The following MRPL53 variants were observed in gnomAD, a reference collection of about 807,000 sequenced individuals.
The protein encoded by MRPL53 is mitochondrial ribosomal protein L53.
Under a neutral mutation model 7.5 loss-of-function variants are expected in MRPL53, and 7 were observed. That is an observed-to-expected ratio of 0.93 (90% CI 0.53 to 1.75). The LOEUF is 1.75. MRPL53 is among the 40% of genes most tolerant of loss of function. The pLI, the probability that MRPL53 is intolerant of heterozygous loss-of-function variation, is 0.00. For missense variants in MRPL53, 185 were observed against 159.0 expected, an observed-to-expected ratio of 1.16 and a Z score of -0.88; for synonymous variants, 84 against 64.4, an observed-to-expected ratio of 1.30 and a Z score of -1.46.
At chr2:74,472,531 C>T in intron 1 of MRPL53, 38 bp downstream of exon 1, 2 of 1,613,174 alleles carry the variant, frequency 1.2e-6, no homozygotes, top group Admixed American at 1.7e-5. Flanking sequence ...TGAAGGAAGG[C>T]GCACCACTTC....
At chr2:74,472,276 G>C (rs1672194980) in intron 2 of MRPL53, 24 bp from the exon 3 acceptor site, 1 of 1,613,658 alleles carries the variant, frequency 6.2e-7, no homozygotes, top group South Asian at 1.1e-5. Context: ...AAACGAGTGA[G>C]ACAGGGAGGG....
In MRPL53 at chr2:74,472,206, C is replaced by T. The variant is rs779954207; in HGVS notation, c.252G>A (p.Leu84=). 1.9e-6 allele frequency: 3 copies of T among 1,614,186 alleles called. No individual in the cohort carries two copies. The Admixed American group carries it at 5.0e-5, about 27-fold the overall frequency. The change falls in exon 3 of 3, where the codon CTG becomes CTA. Residue 84 remains leucine (L), a synonymous_variant. Coordinates refer to ENST00000258105, the MANE Select transcript of MRPL53 (RefSeq NM_053050.5). ...LIMRGAHLTA[L]EMLTAFASHI... ...GGGAGGCGAAGGCGGTGAGCATTTCCAGAGCGGTGAGATGAGCGCCGCGCA... is the reference window on the plus strand; with the variant it reads ...GGGAGGCGAAGGCGGTGAGCATTTCTAGAGCGGTGAGATGAGCGCCGCGCA...
Position 74,472,643 on chromosome 2 carries a change from A to G in MRPL53, c.18T>C (p.Ala6=). The G allele has an allele frequency of 1.2e-6, 2 of 1,614,238 alleles. No individual in the cohort carries two copies. The highest frequency in any genetic ancestry group is 2.2e-5 in the South Asian group (2 of 91,092). Residue 6 remains alanine (A), a synonymous_variant, in exon 1 of 3, where the codon GCT becomes GCC. Transcript: ENST00000258105. MAAAL[A]RLGLRPVKQV... ...GTTTGACAGGCCGCAGACCAAGCCG[A>G]GCCAAGGCAGCTGCCATGGTGACCT...
At chr2:74,472,297 T>C (rs1672195476) in intron 2 of MRPL53, 45 bp from the exon 3 acceptor site, 1 of 1,612,992 alleles carries the variant, frequency 6.2e-7, no homozygotes, top group Non-Finnish European at 8.5e-7. Flanking sequence ...ACCGCAGTGC[T>C]GGGGCTTAGG....
chr2:74,472,521 T>C (rs755379043), intron 1 of MRPL53, 48 bp downstream of exon 1: 21 of 1,613,588 alleles, frequency 1.3e-5, no homozygotes, highest in Non-Finnish European at 1.8e-5. Context: ...AAGCCCCGGC[T>C]GAAGGAAGGC....
rs1672211896 is a variant in MRPL53 at position 74,472,671 on chromosome 2, G to A, written c.-11C>T. The stretch of plus-strand genomic sequence containing the variant: ...CAAGGCAGCTGCCATGGTGACCTCC[G>A]CCCCGGAAGAACTCGTGCAGGCGGA... On this transcript the variant is annotated 5_prime_UTR_variant, in exon 1 of 3. Coordinates refer to ENST00000258105, the MANE Select transcript of MRPL53 (RefSeq NM_053050.5). 1.2e-6 allele frequency: 2 copies of A among 1,614,034 alleles called. No individual in the cohort carries two copies. The highest frequency in any genetic ancestry group is 2.2e-5 in the South Asian group (2 of 91,088).
In MRPL53 at chr2:74,472,085, C is replaced by G; in HGVS notation, c.*34G>C. ...TTCTTAGGTTAAGTGTCCTAGTCCA[C>G]GCTAAAATCATCTTGTTGGTCTCTT... On this transcript the variant is annotated 3_prime_UTR_variant, in exon 3 of 3. Transcript: ENST00000258105. 1 of 1,611,732 alleles carries G rather than the reference C, an allele frequency of 6.2e-7. No homozygotes were observed. Among genetic ancestry groups the G allele is most frequent in the Non-Finnish European group, 8.5e-7 (1 of 1,178,942 alleles).
In MRPL53 at chr2:74,472,652, A is replaced by C. The variant is rs745946740; in HGVS notation, c.9T>G (p.Ala3=). MA[A]ALARLGLRPV... ...GCCGCAGACCAAGCCGAGCCAAGGC[A>C]GCTGCCATGGTGACCTCCGCCCCGG... The change falls in exon 1 of 3, where the codon GCT becomes GCG. Residue 3 remains alanine (A), a synonymous_variant. Coordinates refer to ENST00000258105, the MANE Select transcript of MRPL53 (RefSeq NM_053050.5). 1 of 1,614,236 alleles carries C rather than the reference A, an allele frequency of 6.2e-7. No individual in the cohort carries two copies. Among genetic ancestry groups the C allele is most frequent in the South Asian group, 1.1e-5 (1 of 91,086 alleles).
At chr2:74,472,294 T>C in intron 2 of MRPL53, 42 bp from the exon 3 acceptor site, 1 of 1,613,118 alleles carries the variant, frequency 6.2e-7, no homozygotes, top group Non-Finnish European at 8.5e-7. Context: ...GGGACCGCAG[T>C]GCTGGGGCTT....
chr2:74,472,315 G>A (rs1307544671), intron 2 of MRPL53, 43 bp downstream of exon 2: 4 of 1,611,498 alleles, frequency 2.5e-6, no homozygotes, highest in African/African-American at 1.3e-5. Context: ...AGGGGCGCGC[G>A]GGCTGCTCGC....
rs747678189 is a variant in MRPL53, at chr2:74,472,140, C to T, written c.318G>A (p.Pro106=). 5 of 1,613,998 alleles carry T rather than the reference C, an allele frequency of 3.1e-6. No homozygotes were observed. In the African/African-American group the frequency reaches 5.3e-5, roughly 17 times the overall value. Residue 106 remains proline, a synonymous_variant, in exon 3 of 3, where the codon CCG becomes CCA. Transcript: ENST00000258105. ...GCTGTCAGCGACCAGTATCAGCGCC[C>T]GGCTTGTCCCCGCTGCCCGCCGCGT... ...ARDAAGSGDK[P]GADTGR
Position 74,472,077 on chromosome 2 carries a change from C to T in MRPL53, c.*42G>A. On this transcript the variant is annotated 3_prime_UTR_variant, in exon 3 of 3. Transcript: ENST00000258105. The stretch of plus-strand genomic sequence containing the variant: ...TGAAACTCTTCTTAGGTTAAGTGTC[C>T]TAGTCCACGCTAAAATCATCTTGTT... The T allele has an allele frequency of 6.2e-7, 1 of 1,610,352 alleles. No homozygotes were observed. The highest frequency in any genetic ancestry group is 8.5e-7 in the Non-Finnish European group (1 of 1,178,118).
In MRPL53 at chr2:74,472,469, T is replaced by C; in HGVS notation, c.94A>G (p.Thr32Ala). ...TCACTGCTCACCGTCTGCAGGAAGG[T>C]CCTACGGTGGAAAAACAGAGGAGCG... Reference protein sequence around the residue: ...PFEKNVESTRTFLQTVSSEKV... With the variant: ...PFEKNVESTRAFLQTVSSEKV... Residue 32 changes from threonine (T) to alanine (A), a missense_variant and splice_region_variant, in exon 2 of 3, where the codon ACC becomes GCC. Thr to Ala is a moderately conservative substitution (Grantham distance 58). Transcript: ENST00000258105. 1 of 1,613,974 alleles carries C rather than the reference T, an allele frequency of 6.2e-7. No homozygotes were observed. The highest frequency in any genetic ancestry group is 1.1e-5 in the South Asian group (1 of 91,072).
At position 74,472,201 on chromosome 2, in the gene MRPL53, A is replaced by G; in HGVS notation, c.257T>C (p.Met86Thr). 1 of 1,614,136 alleles carries G rather than the reference A, an allele frequency of 6.2e-7. No individual in the cohort carries two copies. The highest frequency in any genetic ancestry group is 8.5e-7 in the Non-Finnish European group (1 of 1,180,030). ...GATGTGGGAGGCGAAGGCGGTGAGC[A>G]TTTCCAGAGCGGTGAGATGAGCGCC... ...MRGAHLTALE[M>T]LTAFASHIRA... The change falls in exon 3 of 3, where the codon ATG becomes ACG. Residue 86 changes from methionine (M) to threonine (T), a missense_variant. Physicochemically the swap from Met to Thr is moderately conservative, Grantham distance 81 (BLOSUM62 -1). Transcript: ENST00000258105.
chr2:74,472,470 C>G lies in MRPL53; in HGVS notation c.93G>C (p.Arg31Ser), dbSNP rs1475924365. The G allele has an allele frequency of 1.9e-6, 3 of 1,614,014 alleles. No homozygotes were observed. Among genetic ancestry groups the G allele is most frequent in the Non-Finnish European group, 8.5e-7 (1 of 1,179,892 alleles). Residue 31 changes from arginine (R) to serine (S), a missense_variant and splice_region_variant, in exon 2 of 3, where the codon AGG becomes AGC. Transcript: ENST00000258105. ...CACTGCTCACCGTCTGCAGGAAGGT[C>G]CTACGGTGGAAAAACAGAGGAGCGC... The part of the protein sequence containing the change: ...CPFEKNVEST[R>S]TFLQTVSSEK...
In MRPL53 at chr2:74,472,389, G is replaced by C. The variant is rs767597639; in HGVS notation, c.174C>G (p.Asp58Glu). 1.2e-6 allele frequency: 2 copies of C among 1,613,820 alleles called. No homozygotes were observed. Among genetic ancestry groups the C allele is most frequent in the African/African-American group, 2.7e-5 (2 of 74,928 alleles). ...NCSVIADVRH[D>E]GSEPCVDVLF... ...GCACGTCCACGCAGGGCTCGGAGCC[G>C]TCATGCCTCACGTCCGCAATCACTG... Residue 58 changes from aspartate (D) to glutamate (E), a missense_variant, in exon 2 of 3, where the codon GAC becomes GAG. Asp to Glu is a conservative substitution (Grantham distance 45, BLOSUM62 2). Transcript: ENST00000258105.
chr2:74,472,523 A>G (rs779317088), intron 1 of MRPL53, 46 bp downstream of exon 1: 8 of 1,613,492 alleles, frequency 5.0e-6, no homozygotes, highest in Non-Finnish European at 5.9e-6. Flanking sequence ...GCCCCGGCTG[A>G]AGGAAGGCGC....
In MRPL53 at chr2:74,472,661, G is replaced by A. The variant is rs747993270; in HGVS notation, c.-1C>T. The A allele has an allele frequency of 1.2e-6, 2 of 1,614,250 alleles. No homozygotes were observed. The highest frequency in any genetic ancestry group is 1.1e-5 in the South Asian group (1 of 91,086). On this transcript the variant is annotated 5_prime_UTR_variant, in exon 1 of 3. Transcript: ENST00000258105. The stretch of plus-strand genomic sequence containing the variant: ...CAAGCCGAGCCAAGGCAGCTGCCAT[G>A]GTGACCTCCGCCCCGGAAGAACTCG...
rs377509724 is a variant in MRPL53, at chr2:74,472,247, C to G, written c.211G>C (p.Gly71Arg). 1.2e-6 allele frequency: 2 copies of G among 1,614,108 alleles called. No homozygotes were observed. Among genetic ancestry groups the G allele is most frequent in the East Asian group, 2.2e-5 (1 of 44,878 alleles). The change falls in exon 3 of 3, where the codon GGG becomes CGG. Residue 71 changes from glycine (G) to arginine (R), a missense_variant. Gly to Arg is a moderately radical substitution (Grantham distance 125). Transcript: ENST00000258105. ...EPCVDVLFGDGHRLIMRGAHL... is the reference protein window; with the variant it reads ...EPCVDVLFGDRHRLIMRGAHL... ...GCGCCGCGCATAATCAGGCGATGCC[C>G]GTCTCCTGGGGAAGAAACAAACGAG...
Sources: allele counts gnomAD v4.1 joint callset, GRCh38; gene constraint gnomAD v4.1.1; transcripts MANE v1.5; gene names NCBI Gene and HGNC (gene_info 2026-07-23, HGNC 2026-07-21).